RASEF: variants seen among roughly 807,000 people sequenced by gnomAD.
RASEF encodes the protein ras and EF-hand domain-containing protein.
A neutral mutation model predicts 90.1 loss-of-function variants in RASEF; 68 were observed. The observed-to-expected ratio is 0.75, with a 90% CI of 0.62 to 0.92. The LOEUF (loss-of-function observed/expected upper bound fraction) is 0.92. RASEF is among the 40% of genes least tolerant of loss of function. RASEF has a pLI of 0.00. For missense variants in RASEF, 949 were observed against 937.2 expected, an observed-to-expected ratio of 1.01 and a Z score of -0.16; for synonymous variants, 331 against 345.2, an observed-to-expected ratio of 0.96 and a Z score of 0.46.
At chr9:83,128,012 T>C in the RASEF span, among the ~76,000 whole-genome samples, 1 of 145,692 alleles carries the variant, frequency 6.9e-6, no homozygotes, top group African/African-American at 2.6e-5. Flanking sequence ...TTTTTCTTTT[T>C]TATTTTTCTT....
chr9:83,214,603 G>C, the RASEF span, among the ~76,000 whole-genome samples: 1 of 152,032 alleles, frequency 6.6e-6, no homozygotes, highest in South Asian at 2.1e-4. Flanking sequence ...CATGTGTCAT[G>C]GGAGGGACCC....
chr9:83,211,930 T>C, the RASEF span, among the ~76,000 whole-genome samples: 1 of 152,210 alleles, frequency 6.6e-6, no homozygotes, highest in Non-Finnish European at 1.5e-5. Flanking sequence ...AGACCCATTG[T>C]CAGGAAATTG....
chr9:83,094,190 T>C, the RASEF span, among the ~76,000 whole-genome samples: 5 of 151,826 alleles, frequency 3.3e-5, no homozygotes, highest in African/African-American at 1.2e-4. Flanking sequence ...AGTTTATACT[T>C]GCACTGTCTA....
intron 6 of RASEF, among the ~76,000 whole-genome samples, chr9:83,009,277 A>C (rs1829195923): frequency 6.6e-6 from 1 of 152,084 alleles, no homozygotes; most frequent in African/African-American, 2.4e-5. Context: ...CAAAACTAAC[A>C]CACACGAAAA....
chr9:83,066,996 C>T (rs541288783), upstream of RASEF, among the ~76,000 whole-genome samples: 1 of 152,260 alleles, frequency 6.6e-6, no homozygotes, highest in Non-Finnish European at 1.5e-5. Flanking sequence ...TTTGCTCCTA[C>T]ATCATAAATT....
At chr9:83,180,358 T>A in the RASEF span, among the ~76,000 whole-genome samples, 1 of 151,934 alleles carries the variant, frequency 6.6e-6, no homozygotes, top group African/African-American at 2.4e-5. Context: ...GGTAAAAGAG[T>A]AACCAACTAT....
At chr9:83,173,744 C>A in the RASEF span, among the ~76,000 whole-genome samples, 1 of 151,646 alleles carries the variant, frequency 6.6e-6, no homozygotes, top group East Asian at 1.9e-4. Flanking sequence ...TTACTGGTGC[C>A]TTATTTAGTC....
intron 16 of RASEF, among the ~76,000 whole-genome samples, chr9:82,985,486 G>A (rs7862012): frequency 0.51 from 78,074 of 152,018 alleles, 20,434 homozygotes; most frequent in East Asian, 0.77. Flanking sequence ...TGGGGACACA[G>A]CCAAACCATA....
At chr9:83,088,456 AT>A in the RASEF span, among the ~76,000 whole-genome samples, 1 of 151,844 alleles carries the variant, frequency 6.6e-6, no homozygotes. Context: ...TGTTGTTCAA[AT>A]CTTCTGTTAC....
the RASEF span, among the ~76,000 whole-genome samples, chr9:83,177,285 G>C: frequency 6.6e-6 from 1 of 151,938 alleles, no homozygotes; most frequent in South Asian, 2.1e-4. Flanking sequence ...CAATTAAAAG[G>C]AACAGAAAAA....
At chr9:83,188,962 T>C in the RASEF span, among the ~76,000 whole-genome samples, 1 of 152,152 alleles carries the variant, frequency 6.6e-6, no homozygotes, top group Non-Finnish European at 1.5e-5. Context: ...TGTTTGACTA[T>C]GTCCCCCAGC....
chr9:83,208,683 G>A, the RASEF span, among the ~76,000 whole-genome samples: 8 of 152,116 alleles, frequency 5.3e-5, no homozygotes, highest in African/African-American at 1.9e-4. Context: ...GTTTCTTGCC[G>A]CCCACAAGAC....
the RASEF span, among the ~76,000 whole-genome samples, chr9:83,111,680 A>AT: frequency 6.0e-5 from 9 of 151,140 alleles, no homozygotes; most frequent in South Asian, 2.1e-4. Context: ...TACAATTGTC[A>AT]TTTTTTTTTG....
chr9:83,010,591 A>T (rs1368821202), intron 5 of RASEF, among the ~76,000 whole-genome samples: 1 of 152,188 alleles, frequency 6.6e-6, no homozygotes, highest in Non-Finnish European at 1.5e-5. Flanking sequence ...AAAACTGTAT[A>T]GTAAGCCACC....
At chr9:83,198,175 T>A in the RASEF span, among the ~76,000 whole-genome samples, 1 of 152,182 alleles carries the variant, frequency 6.6e-6, no homozygotes, top group Non-Finnish European at 1.5e-5. Context: ...CCCCAAATAA[T>A]GTTTTCCTTG....
the RASEF span, among the ~76,000 whole-genome samples, chr9:83,112,754 A>T: frequency 1.3e-5 from 2 of 152,098 alleles, no homozygotes; most frequent in African/African-American, 2.4e-5. Flanking sequence ...ATCAATTGTG[A>T]ATATGCTGTC....
At chr9:83,135,116 G>A in the RASEF span, among the ~76,000 whole-genome samples, 5 of 152,072 alleles carry the variant, frequency 3.3e-5, no homozygotes, top group Non-Finnish European at 7.4e-5. Flanking sequence ...CTGCTAGGGG[G>A]TACAGGATTT....
At chr9:82,990,492 T>C in intron 15 of RASEF, 25 bp from the exon 16 acceptor site, 1 of 1,536,502 alleles carries the variant, frequency 6.5e-7, no homozygotes, top group Non-Finnish European at 9.0e-7. Context: ...TACACACAAT[T>C]AAATGAAGCC....
At chr9:83,048,741 G>A (rs375431607) in intron 1 of RASEF, 18 of 984,722 alleles carry the variant, frequency 1.8e-5, no homozygotes, top group Middle Eastern at 5.2e-4. Flanking sequence ...ATTGAGAAAT[G>A]AAACACTTAT....
Sources: gnomAD v4.1 joint callset for allele counts (sites outside exome capture counted in the v4.1 genomes callset) on GRCh38, gnomAD v4.1.1 for gene constraint, MANE v1.5 for transcripts, NCBI Gene and HGNC (gene_info 2026-07-23, HGNC 2026-07-21) for gene names.